UBAP1: variants seen among roughly 807,000 people sequenced by gnomAD.
The protein encoded by UBAP1 is ubiquitin associated protein 1.
Under a neutral mutation model 39.0 loss-of-function variants are expected in UBAP1, and 5 were observed. The ratio of observed to expected loss-of-function variants is 0.13; its 90% CI spans 0.07 to 0.27. UBAP1 has a LOEUF of 0.27. Ranked by LOEUF, UBAP1 falls within the 10% of genes least tolerant of loss-of-function variation. The probability of loss-of-function intolerance (pLI) is 1.00; values close to 1 mark genes in which losing one functional copy is unlikely to be tolerated. For missense variants in UBAP1, 490 were observed against 608.1 expected (o/e 0.81, Z 2.04); for synonymous variants, 211 against 225.1 (o/e 0.94, Z 0.56).
chr9:34,196,384 C>G (rs542971892), intron 1 of UBAP1, among the ~76,000 whole-genome samples: 1 of 150,574 alleles, frequency 6.6e-6, no homozygotes, highest in Admixed American at 6.6e-5. Flanking sequence ...GGCGTGATCT[C>G]GGCTCACTGC....
At chr9:34,240,456 ATTT>A (rs1020670318) in intron 3 of UBAP1, among the ~76,000 whole-genome samples, 3 of 152,056 alleles carry the variant, frequency 2.0e-5, no homozygotes, top group African/African-American at 7.2e-5. Context: ...AAAGCCAAAG[ATTT>A]TGTTTTTTCC....
In UBAP1 at chr9:34,252,423, A is replaced by G. The variant is rs1223165137; in HGVS notation, c.*891A>G. 2.0e-5 allele frequency: 3 copies of G among 152,492 alleles called. No homozygotes were observed. 9.4% of individuals were successfully genotyped at this position (152,492 alleles called of 1,614,324 possible). A position where few individuals can be genotyped will look rare whatever the true frequency, so the allele number is the denominator to read the frequency against. ...TTTGTATTATGTTGTACATCATTAA[A>G]GATCTAAATACAAAGGATATACAGT... is the stretch of plus-strand genomic sequence containing the variant. On this transcript the variant is annotated 3_prime_UTR_variant, in exon 7 of 7. Transcript: ENST00000297661.
chr9:34,229,366 T>C (rs1465800159), intron 2 of UBAP1, among the ~76,000 whole-genome samples: 2 of 151,936 alleles, frequency 1.3e-5, no homozygotes, highest in Non-Finnish European at 2.9e-5. Flanking sequence ...CAAGCGATTC[T>C]CCTGCCTCAG....
intron 6 of UBAP1, 64 bp from the exon 7 acceptor site, chr9:34,251,328 C>T: frequency 6.4e-7 from 1 of 1,559,116 alleles, no homozygotes. Context: ...CACACACACT[C>T]CTTCACTCAG....
At chr9:34,190,791 C>T (rs1006677082) in intron 1 of UBAP1, among the ~76,000 whole-genome samples, 1 of 148,490 alleles carries the variant, frequency 6.7e-6, no homozygotes, top group African/African-American at 2.5e-5. Context: ...CTCATGCCAC[C>T]ATGCCTGGCT....
rs1347863785 is a variant in UBAP1 at position 34,250,107 on chromosome 9, C to CAGCA, written c.1266+147_1266+150dup. Reference sequence around the variant, plus strand: ...ACACGGGGCATGTTTTGGGGAAAGCCAGCAGCCTTGGGAGCAGTACTTCTT... The same window carrying CAGCA: ...ACACGGGGCATGTTTTGGGGAAAGCCAGCAAGCAGCCTTGGGAGCAGTACTTCTT... On this transcript the variant is annotated intron_variant, in intron 5 of 6. Transcript: ENST00000297661. 7.3e-6 allele frequency: 6 copies of CAGCA among 826,114 alleles called. No individual in the cohort carries two copies. The East Asian group carries it at 1.6e-4, about 22-fold the overall frequency. 51.2% of individuals were successfully genotyped at this position (826,114 alleles called of 1,614,324 possible).
At chr9:34,247,861 T>A (rs1244628211) in intron 4 of UBAP1, among the ~76,000 whole-genome samples, 2 of 152,236 alleles carry the variant, frequency 1.3e-5, no homozygotes, top group Non-Finnish European at 2.9e-5. Flanking sequence ...TATATTCCTA[T>A]ACATAAATAT....
At chr9:34,199,635 TTTC>T (rs1418621800) in intron 1 of UBAP1, among the ~76,000 whole-genome samples, 4 of 151,662 alleles carry the variant, frequency 2.6e-5, no homozygotes, top group Non-Finnish European at 5.9e-5. Context: ...TTCTTTTTTT[TTTC>T]TCTCTCTTTT....
chr9:34,196,937 T>TGTGTG (rs1491145601), intron 1 of UBAP1, among the ~76,000 whole-genome samples: 4 of 150,184 alleles, frequency 2.7e-5, no homozygotes, highest in African/African-American at 4.9e-5. Context: ...TGTGTGTGTG[T>TGTGTG]TTTTAATTGA....
At chr9:34,236,420 C>A (rs1362363194) in intron 3 of UBAP1, among the ~76,000 whole-genome samples, 1 of 152,088 alleles carries the variant, frequency 6.6e-6, no homozygotes, top group Admixed American at 6.6e-5. Flanking sequence ...TTTTTTAGAG[C>A]GTATCCTTGT....
chr9:34,194,758 TC>T (rs1348266500), intron 1 of UBAP1, among the ~76,000 whole-genome samples: 3 of 152,224 alleles, frequency 2.0e-5, no homozygotes, highest in Non-Finnish European at 2.9e-5. Flanking sequence ...TCTCATTTGA[TC>T]CTTACAATAA....
chr9:34,222,282 A>G (rs993292355), intron 2 of UBAP1, among the ~76,000 whole-genome samples: 1 of 152,286 alleles, frequency 6.6e-6, no homozygotes, highest in East Asian at 1.9e-4. Flanking sequence ...TTACTTGCTT[A>G]TATATTTTAC....
chr9:34,192,725 C>T (rs1830800877), intron 1 of UBAP1, among the ~76,000 whole-genome samples: 1 of 151,998 alleles, frequency 6.6e-6, no homozygotes, highest in Non-Finnish European at 1.5e-5. Context: ...TAGGCATGAG[C>T]CACCAAGCCT....
intron 5 of UBAP1, 47 bp from the exon 6 acceptor site, chr9:34,250,611 C>T: frequency 2.0e-6 from 3 of 1,506,846 alleles, no homozygotes; most frequent in Non-Finnish European, 2.7e-6. Flanking sequence ...TTGGAAAGCA[C>T]AGCAAAGAGC....
chr9:34,246,114 C>T (rs1563922726), intron 4 of UBAP1, among the ~76,000 whole-genome samples: 1 of 151,932 alleles, frequency 6.6e-6, no homozygotes, highest in Admixed American at 6.6e-5. Context: ...TTTTTTGAGA[C>T]AGGGTCTTGC....
chr9:34,211,833 T>G (rs1247057905), intron 1 of UBAP1, among the ~76,000 whole-genome samples: 1 of 152,194 alleles, frequency 6.6e-6, no homozygotes, highest in Non-Finnish European at 1.5e-5. Flanking sequence ...TTCTTAGATT[T>G]ATTCTTTGTT....
intron 1 of UBAP1, among the ~76,000 whole-genome samples, chr9:34,202,045 C>T (rs1467270667): frequency 6.6e-6 from 1 of 152,162 alleles, no homozygotes; most frequent in Non-Finnish European, 1.5e-5. Flanking sequence ...TGGGGTGTCA[C>T]CATCCACGAA....
chr9:34,198,783 GA>G (rs1428263686), intron 1 of UBAP1, among the ~76,000 whole-genome samples: 1 of 152,206 alleles, frequency 6.6e-6, no homozygotes, highest in East Asian at 1.9e-4. Flanking sequence ...TGGGGAAGCT[GA>G]ATGTCTGCCT....
chr9:34,246,083 T>C lies in UBAP1; in HGVS notation c.1084-3696T>C, dbSNP rs73494714. On this transcript the variant is annotated intron_variant, in intron 4 of 6. Coordinates refer to ENST00000297661, the MANE Select transcript of UBAP1 (RefSeq NM_016525.5). ...AAAGATGAATACAGTTTTAATTCTT[T>C]ATTTTTAAATTTTTATTATTTTTTT... Among the ~76,000 whole-genome samples the C allele has an allele frequency of 3.8e-3, 580 of 152,312 alleles. 7 individuals are homozygous for C. The highest frequency in any genetic ancestry group is 0.013 in the African/African-American group (546 of 41,544).
Sources: gnomAD v4.1 joint callset for allele counts (sites outside exome capture counted in the v4.1 genomes callset) on GRCh38, gnomAD v4.1.1 for gene constraint, MANE v1.5 for transcripts, NCBI Gene and HGNC (gene_info 2026-07-23, HGNC 2026-07-21) for gene names.